Variants in CCDC159 observed in about 807,000 individuals in gnomAD.
CCDC159 encodes the protein coiled-coil domain containing 159, also known as coiled-coil domain-containing protein 159.
A neutral mutation model predicts 50.9 loss-of-function variants in CCDC159; 40 were observed. The observed-to-expected ratio is 0.79, with a 90% CI of 0.61 to 1.02. The LOEUF (loss-of-function observed/expected upper bound fraction) is 1.02, where lower values mean the gene tolerates loss of function less well. CCDC159 is among the 50% of genes least tolerant of loss of function. The probability of loss-of-function intolerance (pLI) is 0.00; values close to 1 mark genes in which losing one functional copy is unlikely to be tolerated. For missense variants in CCDC159, 356 were observed against 371.5 expected (o/e 0.96, Z 0.34); for synonymous variants, 146 against 138.9 (o/e 1.05, Z -0.36).
chr19:11,348,870 T>C, intron 1 of CCDC159: 1 of 749,614 alleles, frequency 1.3e-6, no homozygotes, highest in South Asian at 1.3e-5. Context: ...AGTACTGGGG[T>C]TAGTTAGGGG....
rs1183362918 is a variant in CCDC159 at position 11,353,827 on chromosome 19, G to A, written c.725G>A (p.Ser242Asn). ...CACGTGCTGCAGAACTCCATAGACAGCCTCACTTTGTGCTCGGGGGCCTGT... is the reference window on the plus strand; with the variant it reads ...CACGTGCTGCAGAACTCCATAGACAACCTCACTTTGTGCTCGGGGGCCTGT... Reference protein sequence around the residue: ...AVHVLQNSIDSLTLCSGACPK... With the variant: ...AVHVLQNSIDNLTLCSGACPK... The change falls in exon 9 of 11, where the codon AGC (serine) becomes AAC (asparagine). Residue 242 changes from serine to asparagine, a missense_variant. By Grantham distance (46) the Ser-to-Asn change is conservative. Coordinates refer to ENST00000458408, the MANE Select transcript of CCDC159 (RefSeq NM_001080503.3). 1.3e-6 allele frequency: 2 copies of A among 1,598,176 alleles called. No homozygotes were observed. Among genetic ancestry groups the A allele is most frequent in the African/African-American group, 2.7e-5 (2 of 74,696 alleles).
Position 11,350,810 on chromosome 19 carries a change from G to C in CCDC159, c.229G>C (p.Val77Leu). 6 of 1,546,356 alleles carry C rather than the reference G, an allele frequency of 3.9e-6. No homozygotes were observed. The highest frequency in any genetic ancestry group is 5.2e-6 in the Non-Finnish European group (6 of 1,145,544). The change falls in exon 5 of 11, where the codon GTG (valine) becomes CTG (leucine). Residue 77 changes from valine (V) to leucine (L), a missense_variant and splice_region_variant. Val to Leu is a conservative substitution (Grantham distance 32, BLOSUM62 1). Transcript: ENST00000458408. ...QQIKIQQLEE[V>L]LSPTGRQGEK... ...TCAAGGTCCCACACTCTCTGCAGAG[G>C]TGCTGAGCCCCACAGGCCGCCAGGG...
At chr19:11,347,162 G>A (rs1967288070) in intron 1 of CCDC159, among the ~76,000 whole-genome samples, 1 of 152,036 alleles carries the variant, frequency 6.6e-6, no homozygotes, top group Non-Finnish European at 1.5e-5. Flanking sequence ...ACTCTCGGAG[G>A]GGCAGCTTAG....
chr19:11,352,735 A>T (rs1188919331), intron 7 of CCDC159, among the ~76,000 whole-genome samples: 1 of 152,140 alleles, frequency 6.6e-6, no homozygotes, highest in Non-Finnish European at 1.5e-5. Context: ...GTTCAAGACC[A>T]GCCTAGGCAA....
chr19:11,351,782 G>A, intron 5 of CCDC159, 124 bp from the exon 6 acceptor site: 1 of 755,338 alleles, frequency 1.3e-6, no homozygotes, highest in Non-Finnish European at 2.2e-6. Flanking sequence ...GAAGGGGAGG[G>A]GAAAAGGGCA....
chr19:11,349,104 C>G, intron 1 of CCDC159: 1 of 1,349,352 alleles, frequency 7.4e-7, no homozygotes, highest in Middle Eastern at 2.1e-4. Flanking sequence ...GGGCCTTCGC[C>G]ACATGAGGCT....
At chr19:11,350,352 T>TAA (rs34313280) in intron 4 of CCDC159, among the ~76,000 whole-genome samples, 153 bp downstream of exon 4, 106 of 104,468 alleles carry the variant, frequency 1.0e-3, no homozygotes, top group East Asian at 2.8e-3. Flanking sequence ...CATATCTACT[T>TAA]AAAAAAAAAA....
chr19:11,351,055 C>A, intron 5 of CCDC159, 52 bp downstream of exon 5: 4 of 1,439,080 alleles, frequency 2.8e-6, no homozygotes, highest in East Asian at 2.7e-5. Context: ...AAGGGAGACC[C>A]AGAACTGGGG....
rs575837016 is a variant in CCDC159, at chr19:11,350,240, G to A, written c.226+41G>A. On this transcript the variant is annotated intron_variant, in intron 4 of 10. Transcript: ENST00000458408. ...AGATCAAGGTCAGGCTAGGCCAGGCGTGGTGGCTCACGCCTGTAATCCCAG... is the reference window on the plus strand; with the variant it reads ...AGATCAAGGTCAGGCTAGGCCAGGCATGGTGGCTCACGCCTGTAATCCCAG... The A allele has an allele frequency of 6.5e-5, 101 of 1,562,684 alleles. No individual in the cohort carries two copies. The Admixed American group carries it at 7.0e-4, about 11-fold the overall frequency.
rs935552738 is a variant in CCDC159, at chr19:11,353,795, T to G, written c.693T>G (p.Ser231=). The G allele has an allele frequency of 6.3e-7, 1 of 1,595,510 alleles. No individual in the cohort carries two copies. Among genetic ancestry groups the G allele is most frequent in the African/African-American group, 1.3e-5 (1 of 74,528 alleles). The part of the protein sequence containing the change: ...DLQKELSDIW[S]AVHVLQNSID... ...CCAGCTCCTTGTCTTCTTGCAGGTC[T>G]GCTGTGCACGTGCTGCAGAACTCCA... Residue 231 remains serine, a synonymous_variant, in exon 9 of 11, where the codon TCT becomes TCG. Transcript: ENST00000458408.
At position 11,354,610 on chromosome 19, in the gene CCDC159, C is replaced by T. The variant is rs895426900; in HGVS notation, c.803C>T (p.Pro268Leu). 13 of 1,582,516 alleles carry T rather than the reference C, an allele frequency of 8.2e-6. No homozygotes were observed. Among genetic ancestry groups the T allele is most frequent in the Admixed American group, 3.5e-5 (2 of 57,452 alleles). Residue 268 changes from proline (P) to leucine (L), a missense_variant, in exon 10 of 11, where the codon CCA (proline) becomes CTA (leucine). By Grantham distance (98) the Pro-to-Leu change is moderately conservative. Coordinates refer to ENST00000458408, the MANE Select transcript of CCDC159 (RefSeq NM_001080503.3). Reference protein sequence around the residue: ...GHKGHQCLSPPLPSWDSDSDC... With the variant: ...GHKGHQCLSPLLPSWDSDSDC... ...AAGGGGCACCAGTGCCTGAGCCCTC[C>T]ACTCCCCTCCTGGGACTCTGACTCC...
rs1023418479 is a variant in CCDC159 at position 11,351,007 on chromosome 19, G to A, written c.422+4G>A. 10 of 1,540,822 alleles carry A rather than the reference G, an allele frequency of 6.5e-6. No homozygotes were observed. The highest frequency in any genetic ancestry group is 6.0e-5 in the Admixed American group (3 of 50,062). On this transcript the variant is annotated splice_donor_region_variant and intron_variant, in intron 5 of 10. Transcript: ENST00000458408. ...TGGCCCAGGAGATCCGGGACAGGTC[G>A]GGGATGGCGGGAGGGCAGCTTGGAG...
In CCDC159 at chr19:11,350,952, G is replaced by A. The variant is rs568175380; in HGVS notation, c.371G>A (p.Arg124Gln). Residue 124 changes from arginine (R) to glutamine (Q), a missense_variant, in exon 5 of 11, where the codon CGG becomes CAG. Physicochemically the swap from Arg to Gln is conservative, Grantham distance 43. Coordinates refer to ENST00000458408, the MANE Select transcript of CCDC159 (RefSeq NM_001080503.3). Reference protein sequence around the residue: ...KTLRDSEEMQRARTTRCLQLL... With the variant: ...KTLRDSEEMQQARTTRCLQLL... ...CTGCGTGACAGTGAGGAGATGCAGC[G>A]GGCCCGCACCACTCGCTGCCTGCAG... 2.3e-5 allele frequency: 35 copies of A among 1,554,322 alleles called. No individual in the cohort carries two copies. The highest frequency in any genetic ancestry group is 1.7e-4 in the Middle Eastern group (1 of 5,998).
intron 5 of CCDC159, 176 bp from the exon 6 acceptor site, chr19:11,351,730 G>A: frequency 3.5e-6 from 2 of 578,624 alleles, no homozygotes; most frequent in South Asian, 2.1e-5. Context: ...GGGAGGCTGG[G>A]GATCAGAAGG....
rs767361219 is a variant in CCDC159 at position 11,350,016 on chromosome 19, C to T, written c.134C>T (p.Ala45Val). ...ELESLKSQLQ[A>V]QTKAFEFLNH... is the part of the protein sequence containing the mutation. Reference sequence around the variant, plus strand: ...GAGTCACTCAAGAGCCAGTTACAGGCCCAGACCAAGGTGAACCACCTTGGC... The same window carrying T: ...GAGTCACTCAAGAGCCAGTTACAGGTCCAGACCAAGGTGAACCACCTTGGC... The change falls in exon 3 of 11, where the codon GCC (alanine) becomes GTC (valine). Residue 45 changes from alanine to valine, a missense_variant. Ala to Val is a moderately conservative substitution (Grantham distance 64). Coordinates refer to ENST00000458408, the MANE Select transcript of CCDC159 (RefSeq NM_001080503.3). 2 of 1,613,704 alleles carry T rather than the reference C, an allele frequency of 1.2e-6. No individual in the cohort carries two copies. Among genetic ancestry groups the T allele is most frequent in the Admixed American group, 3.3e-5 (2 of 59,974 alleles).
intron 5 of CCDC159, 81 bp downstream of exon 5, chr19:11,351,084 G>T (rs1186227933): frequency 7.7e-6 from 10 of 1,303,420 alleles, no homozygotes; most frequent in Non-Finnish European, 2.1e-6. Context: ...CAGGATGGGG[G>T]AAATGGCAGA....
At position 11,350,170 on chromosome 19, in the gene CCDC159, T is replaced by G. The variant is rs1196600434; in HGVS notation, c.197T>G (p.Leu66Trp). The G allele has an allele frequency of 1.2e-6, 2 of 1,612,956 alleles. No individual in the cohort carries two copies. Among genetic ancestry groups the G allele is most frequent in the South Asian group, 1.1e-5 (1 of 90,840 alleles). ...SVTMLEKESC[L>W]QQIKIQQLEE... ...ACCATGTTGGAGAAGGAGAGCTGCT[T>G]GCAGCAAATCAAGATTCAGCAGCTT... The change falls in exon 4 of 11, where the codon TTG becomes TGG. Residue 66 changes from leucine to tryptophan, a missense_variant. Physicochemically the swap from Leu to Trp is moderately conservative, Grantham distance 61. Coordinates refer to ENST00000458408, the MANE Select transcript of CCDC159 (RefSeq NM_001080503.3).
chr19:11,352,408 C>T (rs1225216805), intron 7 of CCDC159: 14 of 431,380 alleles, frequency 3.2e-5, no homozygotes, highest in South Asian at 1.6e-4. Context: ...AAGTTCGAGA[C>T]CAGCCTGGCC....
In CCDC159 at chr19:11,350,239, C is replaced by T. The variant is rs370497470; in HGVS notation, c.226+40C>T. On this transcript the variant is annotated intron_variant, in intron 4 of 10. Transcript: ENST00000458408. ...GAGATCAAGGTCAGGCTAGGCCAGG[C>T]GTGGTGGCTCACGCCTGTAATCCCA... The T allele has an allele frequency of 6.6e-5, 103 of 1,556,468 alleles. No individual in the cohort carries two copies. In the East Asian group the frequency reaches 1.2e-3, roughly 18 times the overall value.
Sources: gnomAD v4.1 joint callset for allele counts (sites outside exome capture counted in the v4.1 genomes callset) on GRCh38, gnomAD v4.1.1 for gene constraint, MANE v1.5 for transcripts, NCBI Gene and HGNC (gene_info 2026-07-23, HGNC 2026-07-21) for gene names.